Variants in ZNF638 observed in about 807,000 individuals in gnomAD.
ZNF638 encodes the protein CTCL tumor antigen se33-1.
A neutral mutation model predicts 195.6 loss-of-function variants in ZNF638; 46 were observed. The ratio of observed to expected loss-of-function variants is 0.24; its 90% CI spans 0.19 to 0.30. The LOEUF (loss-of-function observed/expected upper bound fraction) is 0.30. ZNF638 is among the 10% of genes least tolerant of loss of function. The pLI, the probability that ZNF638 is intolerant of heterozygous loss-of-function variation, is 1.00. For synonymous variants in ZNF638, 845 were observed against 772.0 expected (o/e 1.09, Z -1.57); for missense variants, 2,440 against 2,325.3 (o/e 1.05, Z -1.01).
intron 13 of ZNF638, 102 bp from the exon 14 acceptor site, chr2:71,400,010 A>G (rs1376752465): frequency 1.1e-6 from 1 of 917,924 alleles, no homozygotes; most frequent in African/African-American, 1.7e-5. Context: ...GGTCAGCCTA[A>G]GGAGACTTGA....
At chr2:71,427,972 G>C (rs1022114777) in intron 24 of ZNF638, among the ~76,000 whole-genome samples, 1 of 152,046 alleles carries the variant, frequency 6.6e-6, no homozygotes, top group Non-Finnish European at 1.5e-5. Flanking sequence ...TGGGAGGATC[G>C]CTTGAGGCCA....
intron 10 of ZNF638, among the ~76,000 whole-genome samples, chr2:71,390,227 C>G (rs1394716792): frequency 6.6e-6 from 1 of 152,218 alleles, no homozygotes; most frequent in African/African-American, 2.4e-5. Flanking sequence ...AGGCCCTGCT[C>G]CAAACTTGGG....
rs1041127652 is a variant in ZNF638 at position 71,423,958 on chromosome 2, G to A, written c.4444G>A (p.Asp1482Asn). 6.8e-6 allele frequency: 11 copies of A among 1,614,080 alleles called. No individual in the cohort carries two copies. The highest frequency in any genetic ancestry group is 4.0e-5 in the African/African-American group (3 of 75,052). The stretch of plus-strand genomic sequence containing the variant: ...CCTGCAAGGCAAGCTTTCTAAACTG[G>A]ATTACAGAGATATAACAAAACAATC... The part of the protein sequence containing the change: ...SALQGKLSKL[D>N]YRDITKQSQE... Residue 1482 changes from aspartate (D) to asparagine (N), a missense_variant, in exon 22 of 28, where the codon GAT becomes AAT. Transcript: ENST00000264447.
intron 10 of ZNF638, among the ~76,000 whole-genome samples, chr2:71,392,066 G>A (rs1479175676): frequency 6.6e-6 from 1 of 152,218 alleles, no homozygotes; most frequent in Non-Finnish European, 1.5e-5. Flanking sequence ...ATGGGCTGCA[G>A]ACGATGCAAT....
intron 21 of ZNF638, among the ~76,000 whole-genome samples, chr2:71,420,937 G>C (rs982361627): frequency 6.6e-6 from 1 of 152,136 alleles, no homozygotes; most frequent in Non-Finnish European, 1.5e-5. Context: ...GTAGACCTGT[G>C]TTCTCTGTTT....
At chr2:71,399,945 C>T (rs1320689367) in intron 13 of ZNF638, among the ~76,000 whole-genome samples, 167 bp from the exon 14 acceptor site, 1 of 152,078 alleles carries the variant, frequency 6.6e-6, no homozygotes, top group African/African-American at 2.4e-5. Context: ...TAAAAATTAT[C>T]AAAGTGGGGA....
intron 8 of ZNF638, chr2:71,376,056 T>G (rs1323867745): frequency 1.3e-5 from 2 of 152,228 alleles, no homozygotes; most frequent in Non-Finnish European, 2.9e-5. Context: ...AAATAGAATG[T>G]TTCAAATAGC....
chr2:71,424,141 C>CCT, intron 22 of ZNF638, 103 bp downstream of exon 22: 1 of 1,426,270 alleles, frequency 7.0e-7, no homozygotes, highest in Non-Finnish European at 9.3e-7. Flanking sequence ...ACTTTCATCT[C>CCT]CTCACTCTAC....
intron 10 of ZNF638, chr2:71,393,631 G>T (rs752376188): frequency 1.4e-6 from 1 of 718,012 alleles, no homozygotes; most frequent in South Asian, 1.5e-5. Flanking sequence ...TTTGTTCCTT[G>T]CTCTGCTCTC....
At chr2:71,356,380 A>C (rs913381751) in intron 3 of ZNF638, among the ~76,000 whole-genome samples, 1 of 152,178 alleles carries the variant, frequency 6.6e-6, no homozygotes, top group African/African-American at 2.4e-5. Context: ...AGTAACATCA[A>C]ATTAAACTCT....
At chr2:71,383,555 G>C (rs1290979687) in intron 10 of ZNF638, among the ~76,000 whole-genome samples, 1 of 110,944 alleles carries the variant, frequency 9.0e-6, no homozygotes, top group Admixed American at 1.2e-4. Flanking sequence ...TTTTCTTCCT[G>C]GGTGGTTTTT....
chr2:71,372,780 A>G (rs1023935949), intron 8 of ZNF638, among the ~76,000 whole-genome samples: 1 of 152,228 alleles, frequency 6.6e-6, no homozygotes, highest in Non-Finnish European at 1.5e-5. Context: ...TGGAATGGCT[A>G]CTTTATAGAG....
chr2:71,427,234 G>T lies in ZNF638; in HGVS notation c.5365G>T (p.Asp1789Tyr), dbSNP rs2080557397. Residue 1789 changes from aspartate to tyrosine, a missense_variant, in exon 24 of 28, where the codon GAT (aspartate) becomes TAT (tyrosine). Asp to Tyr is a radical substitution (Grantham distance 160). Coordinates refer to ENST00000264447, the MANE Select transcript of ZNF638 (RefSeq NM_014497.5). ...EVGEEEDGDNDLKVELAQSKN... is the reference protein window; with the variant it reads ...EVGEEEDGDNYLKVELAQSKN... ...TGGAGAGGAGGAAGATGGAGATAAT[G>T]ATTTAAAAGTTGAGTTAGCACAAAG... 1.9e-6 allele frequency: 3 copies of T among 1,612,768 alleles called. No individual in the cohort carries two copies. The highest frequency in any genetic ancestry group is 1.7e-6 in the Non-Finnish European group (2 of 1,179,676).
At chr2:71,374,595 A>C (rs1211018112) in intron 8 of ZNF638, among the ~76,000 whole-genome samples, 1 of 152,246 alleles carries the variant, frequency 6.6e-6, no homozygotes, top group Non-Finnish European at 1.5e-5. Flanking sequence ...AATTCGTGAT[A>C]GTATTTTTAC....
intron 21 of ZNF638, 22 bp from the exon 22 acceptor site, chr2:71,422,792 G>T: frequency 1.3e-6 from 2 of 1,581,240 alleles, no homozygotes; most frequent in Admixed American, 1.9e-5. Flanking sequence ...TGTTCTTTTT[G>T]TTTGTTTTTA....
At chr2:71,373,178 G>A (rs2079346717) in intron 8 of ZNF638, among the ~76,000 whole-genome samples, 1 of 152,078 alleles carries the variant, frequency 6.6e-6, no homozygotes, top group African/African-American at 2.4e-5. Flanking sequence ...TCGTTATATA[G>A]AAAATGATAT....
chr2:71,368,861 A>G (rs1317919097), intron 7 of ZNF638, among the ~76,000 whole-genome samples: 2 of 152,252 alleles, frequency 1.3e-5, no homozygotes, highest in African/African-American at 4.8e-5. Flanking sequence ...CCAAAAAACT[A>G]TTTACAAAAA....
chr2:71,405,321 A>C (rs1239382967), intron 17 of ZNF638, among the ~76,000 whole-genome samples: 1 of 152,178 alleles, frequency 6.6e-6, no homozygotes, highest in African/African-American at 2.4e-5. Context: ...TTAAATCTCT[A>C]TTCCTTCTGT....
rs2080462801 is a variant in ZNF638, at chr2:71,422,976, A to G, written c.3462A>G (p.Ala1154=). Residue 1154 remains alanine (A), a synonymous_variant, in exon 22 of 28, where the codon GCA becomes GCG. Transcript: ENST00000264447. The stretch of plus-strand genomic sequence containing the variant: ...CTTGTGAGGAAGAAGCTGAAAAAGC[A>G]ACATGTGATTCTGACTTTGCTGTTG... ...EEPCEEEAEK[A]TCDSDFAVET... The G allele has an allele frequency of 6.2e-7, 1 of 1,614,162 alleles. No homozygotes were observed. Among genetic ancestry groups the G allele is most frequent in the Non-Finnish European group, 8.5e-7 (1 of 1,179,994 alleles).
Sources: allele counts gnomAD v4.1 joint callset (sites outside exome capture counted in the v4.1 genomes callset), GRCh38; gene constraint gnomAD v4.1.1; transcripts MANE v1.5; gene names NCBI Gene and HGNC (gene_info 2026-07-23, HGNC 2026-07-21).